The following FER variants were observed in gnomAD, a reference collection of about 807,000 sequenced individuals.
The protein encoded by FER is tyrosine-protein kinase Fer.
FER carries 63 observed loss-of-function variants against 111.0 expected under a neutral mutation model. The ratio of observed to expected loss-of-function variants is 0.57; its 90% CI spans 0.46 to 0.70. The LOEUF (loss-of-function observed/expected upper bound fraction) is 0.70, where lower values mean the gene tolerates loss of function less well. Among genes scored for constraint, FER ranks in the 30% least tolerant of loss-of-function variants. The pLI, the probability that FER is intolerant of heterozygous loss-of-function variation, is 0.00. For missense variants in FER, 914 were observed against 954.0 expected, an observed-to-expected ratio of 0.96 and a Z score of 0.55; for synonymous variants, 327 against 313.9, an observed-to-expected ratio of 1.04 and a Z score of -0.44.
intron 10 of FER, among the ~76,000 whole-genome samples, chr5:108,926,366 A>G (rs1753744630): frequency 6.6e-6 from 1 of 152,084 alleles, no homozygotes; most frequent in South Asian, 2.1e-4. Context: ...TCTACTACAT[A>G]TCTTCAAAGT....
intron 16 of FER, among the ~76,000 whole-genome samples, chr5:109,070,271 A>G (rs1262461352): frequency 3.3e-5 from 5 of 152,050 alleles, no homozygotes; most frequent in African/African-American, 1.2e-4. Context: ...TAAATGAAAG[A>G]GCATAAGACA....
intron 13 of FER, among the ~76,000 whole-genome samples, chr5:108,973,522 G>T (rs1760951017): frequency 6.6e-6 from 1 of 151,720 alleles, no homozygotes. Context: ...GTAACAATTT[G>T]TATATATTAA....
chr5:109,040,337 C>T (rs555119063), intron 14 of FER, among the ~76,000 whole-genome samples: 15 of 152,164 alleles, frequency 9.9e-5, no homozygotes, highest in African/African-American at 3.6e-4. Context: ...GCCTTGCCCA[C>T]TCGAACATTA....
intron 3 of FER, among the ~76,000 whole-genome samples, chr5:108,829,129 C>A (rs1382380492): frequency 6.6e-6 from 1 of 152,088 alleles, no homozygotes; most frequent in East Asian, 1.9e-4. Flanking sequence ...TTTTACTCTC[C>A]TCTCTTTTAA....
chr5:109,124,770 G>A (rs1751468874), intron 17 of FER, among the ~76,000 whole-genome samples: 1 of 152,046 alleles, frequency 6.6e-6, no homozygotes, highest in Admixed American at 6.5e-5. Context: ...AGTTGGGCCG[G>A]GCGCGGTGGC....
chr5:108,813,650 CTGT>C (rs1308409209), intron 3 of FER, among the ~76,000 whole-genome samples: 1 of 152,040 alleles, frequency 6.6e-6, no homozygotes, highest in African/African-American at 2.4e-5. Flanking sequence ...AATGTCTAAT[CTGT>C]TGTTAATTTT....
intron 18 of FER, 79 bp from the exon 19 acceptor site, chr5:109,186,121 C>T: frequency 1.3e-6 from 2 of 1,578,192 alleles, no homozygotes; most frequent in Admixed American, 1.7e-5. Context: ...GCATGACTGA[C>T]ACAGACATAC....
chr5:108,914,368 A>G (rs1751976609), intron 10 of FER, among the ~76,000 whole-genome samples: 1 of 152,004 alleles, frequency 6.6e-6, no homozygotes, highest in Non-Finnish European at 1.5e-5. Context: ...TTTCTCTGTT[A>G]CCGACTCTCT....
At chr5:109,067,261 T>TTGC (rs1430651460) in intron 16 of FER, among the ~76,000 whole-genome samples, 1 of 150,404 alleles carries the variant, frequency 6.6e-6, no homozygotes, top group Admixed American at 6.7e-5. Flanking sequence ...GTTGTTGTTG[T>TTGC]TGCTGTTGCT....
intron 5 of FER, 111 bp from the exon 6 acceptor site, chr5:108,867,656 A>G (rs1034060077): frequency 1.8e-6 from 2 of 1,119,406 alleles, no homozygotes; most frequent in African/African-American, 3.2e-5. Flanking sequence ...TTTTTTGTTT[A>G]AAAAATGCGT....
chr5:109,139,455 A>T (rs1753288916), intron 17 of FER, among the ~76,000 whole-genome samples: 1 of 148,304 alleles, frequency 6.7e-6, no homozygotes, highest in Non-Finnish European at 1.5e-5. Context: ...GTTCCAAGCC[A>T]TTCTCCTGCT....
chr5:108,863,278 C>A (rs1426631647), intron 5 of FER, among the ~76,000 whole-genome samples: 1 of 152,104 alleles, frequency 6.6e-6, no homozygotes, highest in Non-Finnish European at 1.5e-5. Context: ...CACCACCACA[C>A]CTGGCTACTT....
chr5:109,086,634 T>C (rs951915034), intron 16 of FER, among the ~76,000 whole-genome samples: 4 of 151,728 alleles, frequency 2.6e-5, no homozygotes, highest in African/African-American at 9.7e-5. Context: ...TCCTATCCTT[T>C]TCTGACATAA....
At chr5:109,062,395 G>A (rs186060032) in intron 16 of FER, among the ~76,000 whole-genome samples, 243 of 152,140 alleles carry the variant, frequency 1.6e-3, no homozygotes, top group African/African-American at 5.6e-3. Flanking sequence ...GCATGGTGGT[G>A]TACACCTGTA....
At chr5:108,751,323 T>C (rs1209712040) in intron 1 of FER, among the ~76,000 whole-genome samples, 1 of 147,332 alleles carries the variant, frequency 6.8e-6, no homozygotes, top group Non-Finnish European at 1.5e-5. Flanking sequence ...TGAGTGGGAA[T>C]TGTACTTACT....
chr5:109,109,637 A>G (rs1296013124), intron 17 of FER, among the ~76,000 whole-genome samples: 1 of 152,136 alleles, frequency 6.6e-6, no homozygotes, highest in African/African-American at 2.4e-5. Context: ...TCCACTCCCC[A>G]CAGCATCTCA....
chr5:108,947,572 T>G (rs1757152845), intron 11 of FER, among the ~76,000 whole-genome samples: 1 of 152,026 alleles, frequency 6.6e-6, no homozygotes, highest in African/African-American at 2.4e-5. Context: ...TAAGAGTATA[T>G]ATTCTGAAAA....
chr5:109,024,625 C>CT (rs1768412050), intron 13 of FER, among the ~76,000 whole-genome samples: 1 of 152,124 alleles, frequency 6.6e-6, no homozygotes, highest in Non-Finnish European at 1.5e-5. Context: ...GGAGTCTCAT[C>CT]TTTTTTGCTC....
At chr5:109,110,287 T>C (rs1749446134) in intron 17 of FER, among the ~76,000 whole-genome samples, 1 of 152,068 alleles carries the variant, frequency 6.6e-6, no homozygotes, top group Non-Finnish European at 1.5e-5. Context: ...AAAAGTGATA[T>C]AGAGGATAAT....
Sources: gnomAD v4.1 joint callset for allele counts (sites outside exome capture counted in the v4.1 genomes callset) on GRCh38, gnomAD v4.1.1 for gene constraint, MANE v1.5 for transcripts, NCBI Gene and HGNC (gene_info 2026-07-23, HGNC 2026-07-21) for gene names.